Variants in SLC2A9 observed in about 807,000 individuals in gnomAD.
The protein encoded by SLC2A9 is solute carrier family 2, facilitated glucose transporter member 9.
A neutral mutation model predicts 50.6 loss-of-function variants in SLC2A9; 39 were observed. The observed-to-expected ratio is 0.77, with a 90% CI of 0.60 to 1.01. The LOEUF (loss-of-function observed/expected upper bound fraction) is 1.01, where lower values mean the gene tolerates loss of function less well. Ranked by LOEUF, SLC2A9 falls within the 50% of genes least tolerant of loss-of-function variation. The probability of loss-of-function intolerance (pLI) is 0.00; values close to 1 mark genes in which losing one functional copy is unlikely to be tolerated. For missense variants in SLC2A9, 686 were observed against 677.6 expected, an observed-to-expected ratio of 1.01 and a Z score of -0.14; for synonymous variants, 324 against 276.9, an observed-to-expected ratio of 1.17 and a Z score of -1.69.
chr4:9,914,226 A>G (rs4697695), intron 7 of SLC2A9, among the ~76,000 whole-genome samples: 102,989 of 151,974 alleles, frequency 0.68, 35,095 homozygotes, highest in East Asian at 0.78. Context: ...AAGTGGAATT[A>G]CCCGAGAGGT....
intron 5 of SLC2A9, among the ~76,000 whole-genome samples, chr4:9,946,453 C>T (rs7686538): frequency 0.47 from 71,697 of 151,952 alleles, 17,942 homozygotes; most frequent in African/African-American, 0.62. Flanking sequence ...ATGCTCATGG[C>T]CCCCAGACAA....
intron 2 of SLC2A9, among the ~76,000 whole-genome samples, chr4:10,002,914 C>T (rs1195372805): frequency 6.6e-6 from 1 of 152,162 alleles, no homozygotes; most frequent in African/African-American, 2.4e-5. Flanking sequence ...GCTGGATACT[C>T]CGTCAGACCG....
chr4:9,830,927 G>C (rs1726026762), intron 11 of SLC2A9, among the ~76,000 whole-genome samples: 2 of 152,164 alleles, frequency 1.3e-5, no homozygotes, highest in Non-Finnish European at 2.9e-5. Flanking sequence ...GAAGGCTAAG[G>C]ATTTTCCCTG....
At chr4:9,946,801 A>G (rs1278507907) in intron 5 of SLC2A9, among the ~76,000 whole-genome samples, 1 of 152,182 alleles carries the variant, frequency 6.6e-6, no homozygotes, top group African/African-American at 2.4e-5. Context: ...TCTAAAATTT[A>G]ATCCCTGGGG....
At chr4:9,918,755 A>C (rs1743366917) in intron 7 of SLC2A9, among the ~76,000 whole-genome samples, 2 of 152,242 alleles carry the variant, frequency 1.3e-5, no homozygotes, top group South Asian at 4.1e-4. Flanking sequence ...TGTCCCACTG[A>C]GATGGGAAGC....
chr4:10,037,196 G>A (rs1175866582), intron 1 of SLC2A9, among the ~76,000 whole-genome samples: 7 of 152,132 alleles, frequency 4.6e-5, no homozygotes, highest in African/African-American at 1.7e-4. Context: ...CAACCATGAT[G>A]ACAATCTAAT....
At chr4:9,852,700 T>G (rs1730161652) in intron 10 of SLC2A9, among the ~76,000 whole-genome samples, 1 of 152,204 alleles carries the variant, frequency 6.6e-6, no homozygotes, top group African/African-American at 2.4e-5. Flanking sequence ...TAAAAGTTCC[T>G]GAAGGGAGTG....
intron 5 of SLC2A9, among the ~76,000 whole-genome samples, chr4:9,962,660 G>A (rs1200413656): frequency 6.6e-6 from 1 of 152,136 alleles, no homozygotes; most frequent in Non-Finnish European, 1.5e-5. Context: ...AAACCACCAT[G>A]ACACATGTTT....
intron 7 of SLC2A9, among the ~76,000 whole-genome samples, chr4:9,908,752 T>C (rs1254368813): frequency 6.6e-6 from 1 of 152,136 alleles, no homozygotes; most frequent in African/African-American, 2.4e-5. Context: ...CCTGCATTAC[T>C]GGGAATGTCC....
At chr4:9,925,490 C>CCCAG (rs1744733214) in intron 6 of SLC2A9, among the ~76,000 whole-genome samples, 1 of 152,116 alleles carries the variant, frequency 6.6e-6, no homozygotes, top group African/African-American at 2.4e-5. Flanking sequence ...GGGCTTCACA[C>CCCAG]CCAGCCCTGT....
chr4:10,035,736 G>C (rs41268377), intron 1 of SLC2A9: 2 of 152,458 alleles, frequency 1.3e-5, no homozygotes, highest in Non-Finnish European at 2.9e-5. Flanking sequence ...TGGTGGTCTA[G>C]ATCAAACAAA....
At chr4:9,962,118 G>A in intron 5 of SLC2A9, among the ~76,000 whole-genome samples, 1 of 152,204 alleles carries the variant, frequency 6.6e-6, no homozygotes, top group East Asian at 1.9e-4. Context: ...CACTGTTAGT[G>A]GGAGTGTAAA....
chr4:9,997,677 G>T (rs1363094649), intron 2 of SLC2A9, among the ~76,000 whole-genome samples: 1 of 151,880 alleles, frequency 6.6e-6, no homozygotes, highest in African/African-American at 2.4e-5. Context: ...TCCAGCCTGG[G>T]TGACAGAGTG....
chr4:9,863,901 G>C (rs1449039513), intron 10 of SLC2A9, among the ~76,000 whole-genome samples: 1 of 152,128 alleles, frequency 6.6e-6, no homozygotes, highest in African/African-American at 2.4e-5. Flanking sequence ...TCTATTCACT[G>C]TAAGTTTCCT....
intron 3 of SLC2A9, among the ~76,000 whole-genome samples, chr4:9,988,287 C>G (rs1188046790): frequency 6.6e-6 from 1 of 152,182 alleles, no homozygotes; most frequent in African/African-American, 2.4e-5. Flanking sequence ...ATAGAGGAGC[C>G]AAGGATGCCT....
chr4:9,994,457 C>T (rs1758259925), intron 3 of SLC2A9, among the ~76,000 whole-genome samples: 1 of 152,168 alleles, frequency 6.6e-6, no homozygotes, highest in African/African-American at 2.4e-5. Context: ...ACAACCAACA[C>T]ATCCTTTGAT....
chr4:10,011,342 C>T (rs1321846593), intron 2 of SLC2A9, among the ~76,000 whole-genome samples: 1 of 152,162 alleles, frequency 6.6e-6, no homozygotes, highest in Non-Finnish European at 1.5e-5. Flanking sequence ...CCCCCCACTC[C>T]AGTCTGTGGG....
intron 8 of SLC2A9, among the ~76,000 whole-genome samples, chr4:9,903,167 T>C (rs1052727504): frequency 2.0e-5 from 3 of 152,136 alleles, no homozygotes; most frequent in African/African-American, 7.2e-5. Context: ...TCCAGTGTCC[T>C]GAGTTCCAGC....
At position 9,808,046 on chromosome 4, in the gene SLC2A9, C is replaced by T. The variant is rs184140868; in HGVS notation, n.421-8805G>A. Among the ~76,000 whole-genome samples the T allele has an allele frequency of 1.4e-3, 213 of 152,326 alleles. 1 individual carries two copies. The highest frequency in any genetic ancestry group is 2.7e-3 in the Non-Finnish European group (184 of 68,038). On this transcript the variant is annotated intron_variant and non_coding_transcript_variant, in intron 3 of 3. Coordinates refer to the SLC2A9 transcript ENST00000503280. The stretch of plus-strand genomic sequence containing the variant: ...TGGAGCCCATAGATAACACTGCCAT[C>T]GTGGAAGCCCCATTGCCATCTCTGG...
Sources: gnomAD v4.1 joint callset for allele counts (sites outside exome capture counted in the v4.1 genomes callset) on GRCh38, gnomAD v4.1.1 for gene constraint, MANE v1.5 for transcripts, NCBI Gene and HGNC (gene_info 2026-07-23, HGNC 2026-07-21) for gene names.